ZNF254: variants seen among roughly 807,000 people sequenced by gnomAD.
ZNF254 encodes the protein zinc finger protein 254.
Under a neutral mutation model 12.4 loss-of-function variants are expected in ZNF254, and 10 were observed. That is an observed-to-expected ratio of 0.80 (90% CI 0.50 to 1.36). The LOEUF (loss-of-function observed/expected upper bound fraction) is 1.36, where lower values mean the gene tolerates loss of function less well. Ranked by LOEUF, ZNF254 falls within the 40% of genes most tolerant of loss-of-function variation. The pLI is 0.00. For missense variants in ZNF254, 996 were observed against 763.9 expected, an observed-to-expected ratio of 1.30 and a Z score of -3.58; for synonymous variants, 305 against 253.4, an observed-to-expected ratio of 1.20 and a Z score of -1.93.
At chr19:24,110,945 T>A (rs1568462817) in intron 3 of ZNF254, among the ~76,000 whole-genome samples, 1 of 152,034 alleles carries the variant, frequency 6.6e-6, no homozygotes, top group Non-Finnish European at 1.5e-5. Context: ...TTTCCTTTTT[T>A]AATTTTATAT....
At chr19:24,057,863 G>A (rs575327534) in intron 2 of ZNF254, among the ~76,000 whole-genome samples, 7 of 152,308 alleles carry the variant, frequency 4.6e-5, no homozygotes, top group Non-Finnish European at 7.3e-5. Context: ...TACAGGAGGT[G>A]TTGACTCTCA....
chr19:24,089,211 G>T (rs1972218741), intron 1 of ZNF254, among the ~76,000 whole-genome samples: 1 of 152,016 alleles, frequency 6.6e-6, no homozygotes, highest in African/African-American at 2.4e-5. Context: ...CCCGACCTCG[G>T]GTGATACGCC....
intron 3 of ZNF254, among the ~76,000 whole-genome samples, chr19:24,116,691 C>G (rs952949401): frequency 3.9e-5 from 6 of 152,280 alleles, no homozygotes; most frequent in African/African-American, 9.6e-5. Context: ...CTTCTTCTCT[C>G]AACTCGTCAA....
rs1387666632 is a variant in ZNF254, at chr19:24,101,200, A to G, written c.31-4740A>G. 5.3e-5 allele frequency among the ~76,000 whole-genome samples: 8 copies of G among 152,198 alleles called. 1 individual carries two copies. The highest frequency in any genetic ancestry group is 3.9e-4 in the Admixed American group (6 of 15,272). ...TTTAGAATTTTCTAGAGCAGCCTCT[A>G]TGAGTAGATCTTTTGATTGTACTCT... On this transcript the variant is annotated intron_variant, in intron 1 of 3. Coordinates refer to ENST00000357002, the MANE Select transcript of ZNF254 (RefSeq NM_203282.4).
chr19:24,105,326 T>G, intron 1 of ZNF254: 1 of 186,182 alleles, frequency 5.4e-6, no homozygotes, highest in East Asian at 1.7e-4. Flanking sequence ...AAATGAAAGC[T>G]CTCATCTTTG....
intron 2 of ZNF254, 121 bp downstream of exon 2, chr19:24,106,187 C>A: frequency 5.3e-6 from 7 of 1,309,400 alleles, no homozygotes; most frequent in Non-Finnish European, 7.1e-6. Flanking sequence ...GGGGATTTGT[C>A]TGTTGAGAAA....
chr19:24,107,310 T>C, intron 3 of ZNF254: 1 of 541,626 alleles, frequency 1.8e-6, no homozygotes. Context: ...GGCAGTTTCA[T>C]AATACTTATT....
chr19:24,113,246 C>A (rs893094112), intron 3 of ZNF254, among the ~76,000 whole-genome samples: 1 of 152,102 alleles, frequency 6.6e-6, no homozygotes, highest in Non-Finnish European at 1.5e-5. Flanking sequence ...AATTTTAGAC[C>A]AATATCCTTG....
Position 24,127,692 on chromosome 19 carries a change from T to A in ZNF254, c.1692T>A (p.His564Gln). The A allele has an allele frequency of 6.2e-7, 1 of 1,613,388 alleles. No homozygotes were observed. Among genetic ancestry groups the A allele is most frequent in the Non-Finnish European group, 8.5e-7 (1 of 1,179,736 alleles). ...AFKQSSILTNHKRIHTGEKPY... is the reference protein window; with the variant it reads ...AFKQSSILTNQKRIHTGEKPY... ...AGCAGTCTTCAATCCTTACTAACCA[T>A]AAGAGAATTCATACTGGAGAGAAAC... is the stretch of plus-strand genomic sequence containing the variant. The change falls in exon 4 of 4, where the codon CAT becomes CAA. Residue 564 changes from histidine to glutamine, a missense_variant. Transcript: ENST00000357002.
intron 2 of ZNF254, among the ~76,000 whole-genome samples, chr19:24,056,286 A>G (rs2145360314): frequency 6.6e-6 from 1 of 152,282 alleles, no homozygotes; most frequent in African/African-American, 2.4e-5. Flanking sequence ...CACCCTGGTA[A>G]TGTAACTCTA....
At chr19:24,097,332 G>A (rs1029881415) in intron 1 of ZNF254, among the ~76,000 whole-genome samples, 1 of 152,120 alleles carries the variant, frequency 6.6e-6, no homozygotes, top group African/African-American at 2.4e-5. Flanking sequence ...AAAAGATACT[G>A]AGTAAGTTGT....
In ZNF254 at chr19:24,087,196, T is replaced by A. The variant is rs1972073187; in HGVS notation, c.-112T>A. ...TCCGGGATATGGCGGGGCCTTTGTC[T>A]CTCGCTGTCGCCGGAGTCCCAGGTC... On this transcript the variant is annotated 5_prime_UTR_variant, in exon 1 of 4. Transcript: ENST00000357002. The A allele has an allele frequency of 6.9e-7, 1 of 1,444,540 alleles. No individual in the cohort carries two copies. The highest frequency in any genetic ancestry group is 9.6e-7 in the Non-Finnish European group (1 of 1,042,714). The allele number at this position is 1,444,540 out of a possible 1,614,324, so 89.5% of individuals were successfully genotyped here.
At chr19:24,076,498 A>G (rs1316648526) in intron 2 of ZNF254, among the ~76,000 whole-genome samples, 3 of 152,214 alleles carry the variant, frequency 2.0e-5, no homozygotes, top group East Asian at 1.9e-4. Flanking sequence ...CTGATCTCCT[A>G]TGTTATTCTG....
chr19:24,098,297 G>C (rs556142612), intron 1 of ZNF254: 2 of 152,294 alleles, frequency 1.3e-5, no homozygotes, highest in East Asian at 3.9e-4. Context: ...AAATTGGAAT[G>C]CTGCTATTAC....
rs550601752 is a variant in ZNF254 at position 24,113,935 on chromosome 19, G to A, written c.253+7292G>A. ...GTGAACTCCCATTCATAATTGCTTC[G>A]AAGAGAATAAAATACCTAGGAATCC... On this transcript the variant is annotated intron_variant, in intron 3 of 3. Coordinates refer to ENST00000357002, the MANE Select transcript of ZNF254 (RefSeq NM_203282.4). Among the ~76,000 whole-genome samples the A allele has an allele frequency of 6.5e-3, 963 of 148,354 alleles. 6 individuals are homozygous for A. The highest frequency in any genetic ancestry group is 9.1e-3 in the Non-Finnish European group (605 of 66,210).
chr19:24,084,247 C>T (rs999996633), upstream of ZNF254, among the ~76,000 whole-genome samples: 1 of 149,870 alleles, frequency 6.7e-6, no homozygotes, highest in African/African-American at 2.4e-5. Context: ...AATAATAGCA[C>T]TTGCAGCAAC....
chr19:24,078,033 TTTG>T (rs1160738510), intron 2 of ZNF254, among the ~76,000 whole-genome samples: 7 of 152,174 alleles, frequency 4.6e-5, no homozygotes, highest in Non-Finnish European at 7.3e-5. Flanking sequence ...AGGGGCATTT[TTTG>T]TTGTTGTTGT....
chr19:24,049,685 G>A (rs1970572579), intron 2 of ZNF254: 1 of 151,898 alleles, frequency 6.6e-6, no homozygotes, highest in Admixed American at 6.6e-5. Context: ...ATATCGCTGG[G>A]CCCCACACAT....
intron 2 of ZNF254, among the ~76,000 whole-genome samples, chr19:24,051,243 C>T (rs549701165): frequency 3.3e-4 from 50 of 152,246 alleles, no homozygotes; most frequent in African/African-American, 7.5e-4. Flanking sequence ...CTGCAACTTC[C>T]GCCTCCTGGG....
Sources: allele counts gnomAD v4.1 joint callset (sites outside exome capture counted in the v4.1 genomes callset), GRCh38; gene constraint gnomAD v4.1.1; transcripts MANE v1.5; gene names NCBI Gene and HGNC (gene_info 2026-07-23, HGNC 2026-07-21).